The following RAPGEF1 variants were observed in gnomAD, a reference collection of about 807,000 sequenced individuals.
The protein encoded by RAPGEF1 is CRK SH3-binding GNRP.
A neutral mutation model predicts 143.3 loss-of-function variants in RAPGEF1; 33 were observed. The observed-to-expected ratio is 0.23, with a 90% CI of 0.17 to 0.31. RAPGEF1 has a LOEUF of 0.31. Ranked by LOEUF, RAPGEF1 falls within the 10% of genes least tolerant of loss-of-function variation. RAPGEF1 has a pLI of 1.00. For synonymous variants in RAPGEF1, 629 were observed against 676.5 expected (o/e 0.93, Z 1.09); for missense variants, 1,199 against 1,645.4 (o/e 0.73, Z 4.69).
intron 1 of RAPGEF1, among the ~76,000 whole-genome samples, chr9:131,695,135 G>A (rs1397664747): frequency 3.9e-5 from 6 of 152,102 alleles, no homozygotes. Context: ...CTAAAACAAT[G>A]CCTGGCATGC....
chr9:131,590,056 C>A, intron 18 of RAPGEF1, 78 bp from the exon 19 acceptor site: 1 of 1,289,334 alleles, frequency 7.8e-7, no homozygotes. Context: ...GGTGACCACT[C>A]ACTGAGCGCT....
intron 1 of RAPGEF1, among the ~76,000 whole-genome samples, chr9:131,722,855 A>G (rs915226701): frequency 6.0e-5 from 9 of 149,590 alleles, no homozygotes; most frequent in African/African-American, 2.2e-4. Context: ...AACAGAGCAA[A>G]ACCCTATCTC....
At chr9:131,678,149 C>G (rs1178594420) in intron 1 of RAPGEF1, among the ~76,000 whole-genome samples, 1 of 152,180 alleles carries the variant, frequency 6.6e-6, no homozygotes, top group Non-Finnish European at 1.5e-5. Flanking sequence ...AAGCACACAG[C>G]AAATGAGACA....
rs551095721 is a variant in RAPGEF1 at position 131,712,352 on chromosome 9, T to G, written c.61+27418A>C. ...AGGTGACAGAATAAACCAATGAGAA[T>G]TATCCCCAACATACACACACTGATT... On this transcript the variant is annotated intron_variant, in intron 1 of 26. Transcript: ENST00000683357. 1.1e-3 allele frequency among the ~76,000 whole-genome samples: 161 copies of G among 152,268 alleles called. 1 individual carries two copies. The highest frequency in any genetic ancestry group is 3.7e-3 in the African/African-American group (154 of 41,542).
rs1951458470 is a variant in RAPGEF1, at chr9:131,578,769, AG to A, written c.*727del. ...TCCCCAGGTGGTGTGGGAGGGGCCCAGTGGCCTGGGGTGGGGGGTAAGGGGC... is the reference window on the plus strand; with the variant it reads ...TCCCCAGGTGGTGTGGGAGGGGCCCATGGCCTGGGGTGGGGGGTAAGGGGC... On this transcript the variant is annotated 3_prime_UTR_variant, in exon 27 of 27. Coordinates refer to ENST00000683357, the MANE Select transcript of RAPGEF1 (RefSeq NM_001377935.1). The A allele has an allele frequency of 6.6e-6, 1 of 152,308 alleles. No homozygotes were observed. The highest frequency in any genetic ancestry group is 6.5e-5 in the Admixed American group (1 of 15,276). 9.4% of individuals were successfully genotyped at this position (152,308 alleles called of 1,614,324 possible).
At chr9:131,625,070 T>G (rs906878953) in intron 10 of RAPGEF1, among the ~76,000 whole-genome samples, 1 of 152,234 alleles carries the variant, frequency 6.6e-6, no homozygotes, top group African/African-American at 2.4e-5. Flanking sequence ...GGAGTAGAGA[T>G]TCCATTTCTA....
intron 1 of RAPGEF1, among the ~76,000 whole-genome samples, chr9:131,658,407 G>C (rs1290034383): frequency 6.6e-6 from 1 of 152,188 alleles, no homozygotes; most frequent in African/African-American, 2.4e-5. Context: ...ATCTGTGAGA[G>C]CAACTTCAAG....
chr9:131,669,696 G>A (rs188105724), intron 1 of RAPGEF1, among the ~76,000 whole-genome samples: 1 of 152,264 alleles, frequency 6.6e-6, no homozygotes, highest in Admixed American at 6.5e-5. Flanking sequence ...GCCCACCCTG[G>A]TGCTACTGAT....
intron 1 of RAPGEF1, among the ~76,000 whole-genome samples, chr9:131,682,353 C>T (rs767481693): frequency 6.6e-6 from 1 of 152,210 alleles, no homozygotes; most frequent in Non-Finnish European, 1.5e-5. Context: ...CGTTCTAAAC[C>T]GGGGCATTTC....
intron 1 of RAPGEF1, among the ~76,000 whole-genome samples, chr9:131,729,430 G>C (rs1439722845): frequency 6.6e-6 from 1 of 152,240 alleles, no homozygotes; most frequent in Admixed American, 6.5e-5. Context: ...CTCCAAAGCA[G>C]ATTCTCATGC....
chr9:131,728,877 C>G (rs562901901), intron 1 of RAPGEF1, among the ~76,000 whole-genome samples: 4 of 152,208 alleles, frequency 2.6e-5, no homozygotes, highest in Admixed American at 2.6e-4. Flanking sequence ...TACATCATCT[C>G]GTTTAATTCT....
intron 1 of RAPGEF1, among the ~76,000 whole-genome samples, chr9:131,692,340 CTGTTCGT>C (rs924602008): frequency 6.6e-6 from 1 of 152,236 alleles, no homozygotes; most frequent in Admixed American, 6.5e-5. Context: ...GATTGTAGCC[CTGTTCGT>C]TGTTTTTGAG....
At position 131,739,888 on chromosome 9, in the gene RAPGEF1, G is replaced by A; in HGVS notation, c.-58C>T. Reference sequence around the variant, plus strand: ...GGGCGGCGCGCCCGCCGCTCGCCTCGGCCCTGGCTCGCCACGCCTCAGACC... The same window carrying A: ...GGGCGGCGCGCCCGCCGCTCGCCTCAGCCCTGGCTCGCCACGCCTCAGACC... On this transcript the variant is annotated 5_prime_UTR_variant, in exon 1 of 27. Coordinates refer to ENST00000683357, the MANE Select transcript of RAPGEF1 (RefSeq NM_001377935.1). The A allele has an allele frequency of 2.1e-6, 2 of 956,208 alleles. No individual in the cohort carries two copies. The highest frequency in any genetic ancestry group is 2.5e-6 in the Non-Finnish European group (2 of 805,352). 59.2% of individuals were successfully genotyped at this position (956,208 alleles called of 1,614,324 possible).
intron 5 of RAPGEF1, among the ~76,000 whole-genome samples, chr9:131,633,175 A>T (rs1335253779): frequency 6.6e-6 from 1 of 152,240 alleles, no homozygotes; most frequent in African/African-American, 2.4e-5. Context: ...TTAGAAGTTA[A>T]TATTTAAGGG....
intron 22 of RAPGEF1, among the ~76,000 whole-genome samples, chr9:131,585,450 G>A (rs1952564939): frequency 6.6e-6 from 1 of 152,210 alleles, no homozygotes; most frequent in Non-Finnish European, 1.5e-5. Flanking sequence ...CAAAGTCCTG[G>A]GATTATAGAT....
At chr9:131,614,146 C>CCT (rs1564526902) in intron 12 of RAPGEF1, among the ~76,000 whole-genome samples, 1 of 152,054 alleles carries the variant, frequency 6.6e-6, no homozygotes, top group African/African-American at 2.4e-5. Context: ...CAACACCCCC[C>CCT]CCCAAGGAGG....
chr9:131,613,666 T>C (rs907746482), intron 12 of RAPGEF1, among the ~76,000 whole-genome samples: 3 of 152,146 alleles, frequency 2.0e-5, no homozygotes, highest in African/African-American at 7.2e-5. Context: ...GCCTGTCTGC[T>C]ATGTGCCAGG....
chr9:131,585,683 T>C (rs940661164), intron 22 of RAPGEF1, among the ~76,000 whole-genome samples: 1 of 151,778 alleles, frequency 6.6e-6, no homozygotes, highest in African/African-American at 2.4e-5. Context: ...GGGAGGAAGA[T>C]AGGCAAACGG....
intron 3 of RAPGEF1, among the ~76,000 whole-genome samples, chr9:131,645,851 A>G (rs1031498188): frequency 8.5e-5 from 13 of 152,252 alleles, no homozygotes; most frequent in African/African-American, 2.9e-4. Flanking sequence ...GGGATGGCTT[A>G]GAGACAAAGC....
Sources: gnomAD v4.1 joint callset for allele counts (sites outside exome capture counted in the v4.1 genomes callset) on GRCh38, gnomAD v4.1.1 for gene constraint, MANE v1.5 for transcripts, NCBI Gene and HGNC (gene_info 2026-07-23, HGNC 2026-07-21) for gene names.